The following MKS1 variants were observed in gnomAD, a reference collection of about 807,000 sequenced individuals.
MKS1 encodes the protein tectonic-like complex member MKS1.
A neutral mutation model predicts 83.7 loss-of-function variants in MKS1; 70 were observed. The ratio of observed to expected loss-of-function variants is 0.84; its 90% CI spans 0.69 to 1.02. MKS1 has a LOEUF of 1.02. Among genes scored for constraint, MKS1 ranks in the 50% least tolerant of loss-of-function variants. MKS1 has a pLI of 0.00. For synonymous variants in MKS1, 251 were observed against 273.4 expected (o/e 0.92, Z 0.81); for missense variants, 681 against 726.9 (o/e 0.94, Z 0.73).
At position 58,214,309 on chromosome 17, in the gene MKS1, GT is replaced by G; in HGVS notation, c.593del (p.Asn198ThrfsTer31). The G allele has an allele frequency of 6.2e-7, 1 of 1,614,132 alleles. No individual in the cohort carries two copies. The highest frequency in any genetic ancestry group is 1.1e-5 in the South Asian group (1 of 91,080). On this transcript the variant is annotated frameshift_variant, in exon 6 of 18. Coordinates refer to ENST00000393119, the MANE Select transcript of MKS1 (RefSeq NM_017777.4). LOFTEE classifies it high-confidence loss of function. ...EEFVRNNHVI[N>X]TPLQTMHIMA... Reference sequence around the variant, plus strand: ...TGATGTGCATTGTCTGAAGAGGGGTGTTAATGACGTGGTTGTTCCTGACAAA... The same window carrying G: ...TGATGTGCATTGTCTGAAGAGGGGTGTAATGACGTGGTTGTTCCTGACAAA...
intron 11 of MKS1, among the ~76,000 whole-genome samples, chr17:58,210,194 G>A (rs1244019678): frequency 6.6e-6 from 1 of 152,176 alleles, no homozygotes; most frequent in Non-Finnish European, 1.5e-5. Context: ...ATATGAGTCT[G>A]GAGTCCAGGG....
chr17:58,205,485 A>C lies in MKS1; in HGVS notation c.*594T>G, dbSNP rs371037402. On this transcript the variant is annotated 3_prime_UTR_variant, in exon 18 of 18. Coordinates refer to ENST00000393119, the MANE Select transcript of MKS1 (RefSeq NM_017777.4). ...TGTAACAAAAAACAAAAAAACAAAC[A>C]AACAAAAAAACACAGTAAAAGATAC... The C allele has an allele frequency of 2.5e-5, 32 of 1,255,386 alleles. No individual in the cohort carries two copies. In the East Asian group the frequency reaches 1.8e-3, roughly 69 times the overall value. 77.8% of individuals were successfully genotyped at this position (1,255,386 alleles called of 1,614,324 possible).
At chr17:58,213,129 A>G (rs1371002426) in intron 7 of MKS1, 39 bp from the exon 8 acceptor site, 1 of 1,569,088 alleles carries the variant, frequency 6.4e-7, no homozygotes, top group Non-Finnish European at 8.8e-7. Context: ...AACTCTAATA[A>G]TGAGAGATGG....
chr17:58,209,471 C>T lies in MKS1; in HGVS notation c.1025-888G>A, dbSNP rs190098979. On this transcript the variant is annotated intron_variant, in intron 11 of 17. Coordinates refer to ENST00000393119, the MANE Select transcript of MKS1 (RefSeq NM_017777.4). This position sits in a 1 kb window ranked among gnomAD's most constrained non-coding sequence, Gnocchi z 4.1. The stretch of plus-strand genomic sequence containing the variant: ...GATGAGTGCTATACTAAAAACAAAA[C>T]GGGGAAGGGACTGAGTGATTGGGAG... 1.6e-4 allele frequency among the ~76,000 whole-genome samples: 24 copies of T among 152,188 alleles called. 1 individual carries two copies. The East Asian group carries it at 3.3e-3, about 21-fold the overall frequency.
At position 58,216,659 on chromosome 17, in the gene MKS1, G is replaced by A. The variant is rs200156751; in HGVS notation, c.261+7C>T. The A allele has an allele frequency of 2.0e-4, 324 of 1,613,992 alleles. 1 individual carries two copies. The African/African-American group carries it at 4.2e-3, about 21-fold the overall frequency. ...ATAGACAGAGAAGACAAGAGACACT[G>A]GCTCACCTGGCTAAAGAGCTTCTCC... On this transcript the variant is annotated splice_region_variant and intron_variant, in intron 3 of 17. Transcript: ENST00000393119.
chr17:58,215,962 C>T (rs1969171982), intron 4 of MKS1, 126 bp downstream of exon 4: 1 of 1,187,524 alleles, frequency 8.4e-7, no homozygotes, highest in Non-Finnish European at 1.2e-6. Flanking sequence ...CAGCAGCTCA[C>T]AGCAGTTCCT....
chr17:58,206,943 G>A, intron 15 of MKS1, 142 bp downstream of exon 15: 1 of 1,223,486 alleles, frequency 8.2e-7, no homozygotes, highest in Non-Finnish European at 1.2e-6. Flanking sequence ...ATGTGGTCAT[G>A]ACTTCCAGCT....
chr17:58,207,538 G>C (rs997679437), intron 14 of MKS1: 1 of 542,288 alleles, frequency 1.8e-6, no homozygotes, highest in African/African-American at 1.9e-5. Flanking sequence ...AATTAAGTGA[G>C]AAGTATGGCA....
intron 8 of MKS1, 135 bp downstream of exon 8, chr17:58,212,847 A>C (rs1968953393): frequency 1.3e-6 from 1 of 797,862 alleles, no homozygotes; most frequent in African/African-American, 1.7e-5. Flanking sequence ...ATATGTCAGC[A>C]ATGCTGCCTA....
At chr17:58,212,790 T>C (rs747150610) in intron 8 of MKS1, among the ~76,000 whole-genome samples, 192 bp downstream of exon 8, 2 of 152,172 alleles carry the variant, frequency 1.3e-5, no homozygotes, top group Non-Finnish European at 2.9e-5. Context: ...AATGCTCAAA[T>C]AAATGGTTAT....
Position 58,205,565 on chromosome 17 carries a change from A to G in MKS1, c.*514T>C. On this transcript the variant is annotated 3_prime_UTR_variant, in exon 18 of 18. Coordinates refer to ENST00000393119, the MANE Select transcript of MKS1 (RefSeq NM_017777.4). ...GCCTTCAGCCTTCACTTACTCAGAA[A>G]TAACTCATATCTCAACCTCAGCAAG... 7.7e-7 allele frequency: 1 copy of G among 1,304,906 alleles called. No individual in the cohort carries two copies. Among genetic ancestry groups the G allele is most frequent in the Non-Finnish European group, 1.0e-6 (1 of 989,396 alleles). 80.8% of individuals were successfully genotyped at this position (1,304,906 alleles called of 1,614,324 possible). A position where few individuals can be genotyped will look rare whatever the true frequency, so the allele number is the denominator to read the frequency against.
In MKS1 at chr17:58,211,033, G is replaced by T. The variant is rs1268073085; in HGVS notation, c.916-11C>A. 3 of 1,613,850 alleles carry T rather than the reference G, an allele frequency of 1.9e-6. No individual in the cohort carries two copies. The South Asian group carries it at 3.3e-5, about 18-fold the overall frequency. On this transcript the variant is annotated splice_polypyrimidine_tract_variant and intron_variant, in intron 9 of 17. Coordinates refer to ENST00000393119, the MANE Select transcript of MKS1 (RefSeq NM_017777.4). ...GGCACCTGGGACAGTCTAAGGTGAA[G>T]AGAAGTGGGAAAGGATCAGCAGGCC...
intron 9 of MKS1, among the ~76,000 whole-genome samples, chr17:58,211,279 C>T (rs1968860105): frequency 6.6e-6 from 1 of 152,230 alleles, no homozygotes. Context: ...CAAGCAACAG[C>T]AACTGTCCTG....
chr17:58,216,313 G>T, intron 3 of MKS1, 70 bp from the exon 4 acceptor site: 1 of 1,509,256 alleles, frequency 6.6e-7, no homozygotes, highest in African/African-American at 1.4e-5. Flanking sequence ...TTCTGTAACT[G>T]TTTAATCAAA....
chr17:58,214,196 G>A (rs1017968293), intron 6 of MKS1, 63 bp downstream of exon 6: 1 of 1,609,676 alleles, frequency 6.2e-7, no homozygotes, highest in Non-Finnish European at 8.5e-7. Flanking sequence ...TAACAGGAAG[G>A]GGAGAGCTGG....
chr17:58,216,948 T>C (rs542091759), intron 2 of MKS1, among the ~76,000 whole-genome samples: 1 of 152,276 alleles, frequency 6.6e-6, no homozygotes, highest in Non-Finnish European at 1.5e-5. Flanking sequence ...ACCCAGGAAG[T>C]CTTAGTCATG....
chr17:58,218,867 G>T, intron 1 of MKS1, 138 bp from the exon 2 acceptor site: 2 of 877,468 alleles, frequency 2.3e-6, no homozygotes, highest in Non-Finnish European at 3.7e-6. Flanking sequence ...GGAGGTGGGT[G>T]GGTGCGCCGT....
At chr17:58,212,115 C>G (rs1210033686) in intron 9 of MKS1, among the ~76,000 whole-genome samples, 3 of 152,056 alleles carry the variant, frequency 2.0e-5, no homozygotes, top group Non-Finnish European at 1.5e-5. Context: ...ACCCTTCTAC[C>G]ACATCTAATC....
chr17:58,207,504 T>C (rs1968593716), intron 14 of MKS1: 1 of 557,328 alleles, frequency 1.8e-6, no homozygotes, highest in Non-Finnish European at 3.2e-6. Context: ...TAATACCACC[T>C]GCACCTCACA....
Sources: gnomAD v4.1 joint callset for allele counts (sites outside exome capture counted in the v4.1 genomes callset) on GRCh38, gnomAD v4.1.1 for gene constraint, Gnocchi (gnomAD v3.1) non-coding constraint, MANE v1.5 for transcripts, NCBI Gene and HGNC (gene_info 2026-07-23, HGNC 2026-07-21) for gene names.